Variants in NME7 observed in about 807,000 individuals in gnomAD.
NME7 encodes the protein NME/NM23 family member 7, also known as nucleoside diphosphate kinase 7.
NME7 carries 41 observed loss-of-function variants against 49.1 expected under a neutral mutation model. The ratio of observed to expected loss-of-function variants is 0.83; its 90% CI spans 0.65 to 1.08. The LOEUF (loss-of-function observed/expected upper bound fraction) is 1.08, where lower values mean the gene tolerates loss of function less well. NME7 is among the 50% of genes least tolerant of loss of function. The probability of loss-of-function intolerance (pLI) is 0.00; values close to 1 mark genes in which losing one functional copy is unlikely to be tolerated. For missense variants in NME7, 423 were observed against 463.4 expected (o/e 0.91, Z 0.80); for synonymous variants, 139 against 150.6 (o/e 0.92, Z 0.56).
chr1:169,244,392 G>A (rs1484684357), intron 7 of NME7, among the ~76,000 whole-genome samples: 10 of 152,070 alleles, frequency 6.6e-5, no homozygotes, highest in Non-Finnish European at 1.5e-4. Flanking sequence ...CAGCACTTTG[G>A]GAGGCCAAAG....
chr1:169,260,492 T>A lies in NME7; in HGVS notation c.755-22805A>T. Among the ~76,000 whole-genome samples, 2 of 132,830 alleles carry A rather than the reference T, an allele frequency of 1.5e-5. 1 individual carries two copies. Among genetic ancestry groups the A allele is most frequent in the East Asian group, 4.0e-4 (2 of 5,040 alleles). The allele number at this position is 132,830 out of a possible 152,430, so 87.1% of individuals were successfully genotyped here. The stretch of plus-strand genomic sequence containing the variant: ...GAGATCATGCTACTTTGGGTTTTCA[T>A]GTTTTAAAACATATCTTGATAAAGT... On this transcript the variant is annotated intron_variant, in intron 7 of 11. Transcript: ENST00000367811.
At chr1:169,168,879 CA>C in intron 11 of NME7, 2 of 456,140 alleles carry the variant, frequency 4.4e-6, no homozygotes, top group Non-Finnish European at 8.8e-6. Context: ...CAAATTGTCA[CA>C]AATCTCCAAA....
Position 169,145,106 on chromosome 1 carries a change from T to C in NME7, c.1099-12289A>G, listed in dbSNP as rs112406055. Among the ~76,000 whole-genome samples the C allele has an allele frequency of 6.2e-3, 944 of 152,318 alleles. 11 individuals carry two copies. Among genetic ancestry groups the C allele is most frequent in the African/African-American group, 0.022 (895 of 41,568 alleles). On this transcript the variant is annotated intron_variant, in intron 11 of 11. Transcript: ENST00000367811. ...GCAGATTTTAGCTCTCAGATGGAGA[T>C]TGTAGAGTAACAAACAAGTTAATGG...
rs150627211 is a variant in NME7 at position 169,155,483 on chromosome 1, A to G, written c.1098+13964T>C. Among the ~76,000 whole-genome samples the G allele has an allele frequency of 6.0e-4, 91 of 152,346 alleles. 1 individual carries two copies. In the East Asian group the frequency reaches 0.017, roughly 29 times the overall value. Reference sequence around the variant, plus strand: ...TTCTATTATTGTTTTAAAATGATCTACAGAAGATGCAATGCTGTTTTGCCT... The same window carrying G: ...TTCTATTATTGTTTTAAAATGATCTGCAGAAGATGCAATGCTGTTTTGCCT... On this transcript the variant is annotated intron_variant, in intron 11 of 11. Transcript: ENST00000367811.
chr1:169,173,072 G>C (rs1301951356), intron 10 of NME7, among the ~76,000 whole-genome samples: 2 of 152,096 alleles, frequency 1.3e-5, no homozygotes, highest in African/African-American at 4.8e-5. Context: ...ATAAGGGTGG[G>C]GGCTGTGGAA....
At chr1:169,354,712 A>C (rs886423555) in intron 1 of NME7, among the ~76,000 whole-genome samples, 1 of 129,416 alleles carries the variant, frequency 7.7e-6, no homozygotes. Flanking sequence ...ATAAATGTAT[A>C]CATATATATA....
chr1:169,185,388 T>C (rs1660038779), intron 10 of NME7, among the ~76,000 whole-genome samples: 1 of 152,176 alleles, frequency 6.6e-6, no homozygotes, highest in African/African-American at 2.4e-5. Context: ...AGAACATACA[T>C]ATTTGTCATA....
At chr1:169,316,954 G>A (rs1651654080) in intron 3 of NME7, among the ~76,000 whole-genome samples, 1 of 150,742 alleles carries the variant, frequency 6.6e-6, no homozygotes, top group South Asian at 2.1e-4. Context: ...ACTGAAGAGA[G>A]GAAGAAAAAT....
chr1:169,287,062 T>C, intron 7 of NME7: 3 of 413,926 alleles, frequency 7.2e-6, no homozygotes, highest in Non-Finnish European at 1.3e-5. Context: ...TGTAACAGTA[T>C]GACTGAGCCT....
chr1:169,225,175 CT>C (rs2101811641), intron 10 of NME7, among the ~76,000 whole-genome samples: 1 of 152,302 alleles, frequency 6.6e-6, no homozygotes, highest in African/African-American at 2.4e-5. Context: ...GTGGTGCAAT[CT>C]CAGCTCACTG....
chr1:169,166,074 A>G (rs1019983593), intron 11 of NME7, among the ~76,000 whole-genome samples: 1 of 152,212 alleles, frequency 6.6e-6, no homozygotes, highest in African/African-American at 2.4e-5. Context: ...AACAATATGA[A>G]CAAAATCATA....
rs1195678598 is a variant in NME7 at position 169,132,640 on chromosome 1, A to G, written c.*145T>C. Reference sequence around the variant, plus strand: ...CAAAATCCATGTTCTAACATATGTAATAATTGCCAGGAGTACAGTGCTCTT... The same window carrying G: ...CAAAATCCATGTTCTAACATATGTAGTAATTGCCAGGAGTACAGTGCTCTT... On this transcript the variant is annotated 3_prime_UTR_variant, in exon 12 of 12. Coordinates refer to ENST00000367811, the MANE Select transcript of NME7 (RefSeq NM_013330.5). 7 of 678,678 alleles carry G rather than the reference A, an allele frequency of 1.0e-5. No individual in the cohort carries two copies. Among genetic ancestry groups the G allele is most frequent in the Non-Finnish European group, 1.7e-5 (7 of 405,622 alleles). The allele number at this position is 678,678 out of a possible 1,614,324, so 42.0% of individuals were successfully genotyped here.
rs1200322627 is a variant in NME7, at chr1:169,256,678, T to G, written c.755-18991A>C. On this transcript the variant is annotated intron_variant, in intron 7 of 11. Coordinates refer to ENST00000367811, the MANE Select transcript of NME7 (RefSeq NM_013330.5). Reference sequence around the variant, plus strand: ...TTTCCAGTTTTTCTGTTCTGTTTTTTCCCCATCTTTGTGGTTTTATCTACT... The same window carrying G: ...TTTCCAGTTTTTCTGTTCTGTTTTTGCCCCATCTTTGTGGTTTTATCTACT... Among the ~76,000 whole-genome samples, 2 of 123,774 alleles carry G rather than the reference T, an allele frequency of 1.6e-5. 1 individual carries two copies. The highest frequency in any genetic ancestry group is 3.7e-5 in the Non-Finnish European group (2 of 54,106). The allele number at this position is 123,774 out of a possible 152,430, so 81.2% of individuals were successfully genotyped here. A position where few individuals can be genotyped will look rare whatever the true frequency, so the allele number is the denominator to read the frequency against.
chr1:169,132,730 G>A lies in NME7; in HGVS notation c.*55C>T, dbSNP rs1658269266. 1 of 1,509,678 alleles carries A rather than the reference G, an allele frequency of 6.6e-7. No individual in the cohort carries two copies. Among genetic ancestry groups the A allele is most frequent in the Non-Finnish European group, 9.2e-7 (1 of 1,088,904 alleles). 93.5% of individuals were successfully genotyped at this position (1,509,678 alleles called of 1,614,324 possible). On this transcript the variant is annotated 3_prime_UTR_variant, in exon 12 of 12. Transcript: ENST00000367811. The stretch of plus-strand genomic sequence containing the variant: ...AAAAGAATGAACACATTCCTCGTGT[G>A]TGATTCACTCTTGTCTAAATGTCCC...
intron 5 of NME7, among the ~76,000 whole-genome samples, chr1:169,302,613 G>A (rs1367844441): frequency 6.6e-6 from 1 of 152,116 alleles, no homozygotes. Flanking sequence ...GACTACTAGA[G>A]TGGGAGAAAG....
intron 4 of NME7, among the ~76,000 whole-genome samples, chr1:169,306,037 G>C (rs1270526199): frequency 6.6e-6 from 1 of 152,184 alleles, no homozygotes; most frequent in Non-Finnish European, 1.5e-5. Context: ...TCTGAACGAT[G>C]AATAGGAATG....
chr1:169,253,043 G>A lies in NME7; in HGVS notation c.755-15356C>T, dbSNP rs531680934. Among the ~76,000 whole-genome samples the A allele has an allele frequency of 6.9e-3, 1,032 of 150,208 alleles. 14 individuals carry two copies. Among genetic ancestry groups the A allele is most frequent in the African/African-American group, 0.024 (968 of 40,702 alleles). On this transcript the variant is annotated intron_variant, in intron 7 of 11. Transcript: ENST00000367811. ...TGGCTTAGGATTGACTTGGCGATGC[G>A]GGCTCTTTTTTGGTTCCATATGAAC...
At chr1:169,365,408 T>C (rs978088564) in intron 1 of NME7, among the ~76,000 whole-genome samples, 1 of 152,170 alleles carries the variant, frequency 6.6e-6, no homozygotes, top group African/African-American at 2.4e-5. Flanking sequence ...TGGCCTGTAA[T>C]AGGAGAATAA....
chr1:169,235,941 A>AT (rs944563928), intron 8 of NME7, among the ~76,000 whole-genome samples: 40 of 138,088 alleles, frequency 2.9e-4, no homozygotes, highest in Admixed American at 1.1e-3. Flanking sequence ...CTAAGACCTT[A>AT]TTTTTTTTAA....
Sources: gnomAD v4.1 joint callset for allele counts (sites outside exome capture counted in the v4.1 genomes callset) on GRCh38, gnomAD v4.1.1 for gene constraint, MANE v1.5 for transcripts, NCBI Gene and HGNC (gene_info 2026-07-23, HGNC 2026-07-21) for gene names.